The following CCDC91 variants were observed in gnomAD, a reference collection of about 807,000 sequenced individuals.
The protein encoded by CCDC91 is coiled-coil domain containing 91, also known as coiled-coil domain-containing protein 91.
A neutral mutation model predicts 63.2 loss-of-function variants in CCDC91; 48 were observed. The ratio of observed to expected loss-of-function variants is 0.76; its 90% CI spans 0.60 to 0.97. The LOEUF is 0.97. Among genes scored for constraint, CCDC91 ranks in the 50% least tolerant of loss-of-function variants. The pLI, the probability that CCDC91 is intolerant of heterozygous loss-of-function variation, is 0.00. For synonymous variants in CCDC91, 167 were observed against 165.8 expected (o/e 1.01, Z -0.06); for missense variants, 500 against 494.6 (o/e 1.01, Z -0.10).
chr12:28,496,581 G>A (rs1373580870), intron 12 of CCDC91, among the ~76,000 whole-genome samples: 1 of 151,564 alleles, frequency 6.6e-6, no homozygotes, highest in Non-Finnish European at 1.5e-5. Flanking sequence ...GGTTACTGAA[G>A]AAATATTTTT....
intron 1 of CCDC91, among the ~76,000 whole-genome samples, chr12:28,228,812 T>C (rs529184787): frequency 2.0e-5 from 3 of 152,244 alleles, no homozygotes; most frequent in Non-Finnish European, 4.4e-5. Flanking sequence ...CTCTTTAACT[T>C]TGATTGTCTC....
chr12:28,354,497 C>A (rs1046301339), intron 6 of CCDC91, among the ~76,000 whole-genome samples: 6 of 152,068 alleles, frequency 3.9e-5, no homozygotes, highest in African/African-American at 1.4e-4. Context: ...AGGACTTGGA[C>A]AAACCTTTTA....
At chr12:28,335,338 T>A (rs1386257247) in intron 6 of CCDC91, among the ~76,000 whole-genome samples, 1 of 140,950 alleles carries the variant, frequency 7.1e-6, no homozygotes, top group African/African-American at 2.6e-5. Context: ...ATATTATAAA[T>A]ATTTATATAT....
intron 12 of CCDC91, among the ~76,000 whole-genome samples, chr12:28,517,735 C>A (rs139133351): frequency 0.016 from 2,426 of 151,940 alleles, 26 homozygotes; most frequent in South Asian, 0.028. Context: ...GCACCCATCA[C>A]CCAAGCAGTA....
intron 8 of CCDC91, among the ~76,000 whole-genome samples, chr12:28,394,249 A>G (rs560595772): frequency 5.3e-5 from 8 of 152,212 alleles, no homozygotes; most frequent in South Asian, 2.1e-4. Context: ...GGCCGATCAC[A>G]AGGTCAGAAG....
intron 11 of CCDC91, among the ~76,000 whole-genome samples, chr12:28,459,374 TG>T (rs1950201125): frequency 1.3e-5 from 2 of 152,104 alleles, no homozygotes; most frequent in Admixed American, 6.6e-5. Flanking sequence ...ATTAACAAAC[TG>T]CAATAGATTA....
At chr12:28,275,181 G>C (rs1457585963) in intron 3 of CCDC91, among the ~76,000 whole-genome samples, 1 of 152,094 alleles carries the variant, frequency 6.6e-6, no homozygotes, top group African/African-American at 2.4e-5. Flanking sequence ...GAATCCAGGA[G>C]CTGGTTTTTT....
At chr12:28,540,211 A>C (rs7139060) in intron 12 of CCDC91, among the ~76,000 whole-genome samples, 1 of 151,900 alleles carries the variant, frequency 6.6e-6, no homozygotes, top group Non-Finnish European at 1.5e-5. Context: ...TGTTGTTTTC[A>C]TACATAGCCA....
intron 6 of CCDC91, among the ~76,000 whole-genome samples, chr12:28,309,537 T>C (rs923467516): frequency 5.3e-5 from 8 of 152,062 alleles, no homozygotes; most frequent in African/African-American, 1.4e-4. Flanking sequence ...TTCGGTCTTA[T>C]AGGATATTAA....
intron 12 of CCDC91, among the ~76,000 whole-genome samples, chr12:28,502,216 T>C (rs1271884680): frequency 1.3e-5 from 2 of 151,958 alleles, no homozygotes; most frequent in African/African-American, 2.4e-5. Context: ...CTTAAGCTGA[T>C]AAGCAACTTC....
chr12:28,414,796 A>G (rs1947537127), intron 8 of CCDC91, among the ~76,000 whole-genome samples: 1 of 152,198 alleles, frequency 6.6e-6, no homozygotes, highest in African/African-American at 2.4e-5. Context: ...GGCACCTTAA[A>G]CAGAGAAAAG....
intron 12 of CCDC91, among the ~76,000 whole-genome samples, chr12:28,512,816 C>T (rs920842430): frequency 2.0e-5 from 3 of 151,772 alleles, no homozygotes; most frequent in South Asian, 2.1e-4. Flanking sequence ...TTGTATGGTA[C>T]GGAAGGGATT....
rs565717999 is a variant in CCDC91 at position 28,268,766 on chromosome 12, C to G, written c.109+9324C>G. ...GGAGGGAGTAGATTTTACCTAAAAT[C>G]TACTGTGGATGAATAGTGCAATATG... On this transcript the variant is annotated intron_variant, in intron 3 of 12. Coordinates refer to ENST00000536442, the MANE Select transcript of CCDC91 (RefSeq NM_018318.5). 18 of 670,872 alleles carry G rather than the reference C, an allele frequency of 2.7e-5. No homozygotes were observed. The South Asian group carries it at 9.3e-4, about 35-fold the overall frequency. 41.6% of individuals were successfully genotyped at this position (670,872 alleles called of 1,614,324 possible).
At chr12:28,270,963 G>A (rs915479184) in intron 3 of CCDC91, among the ~76,000 whole-genome samples, 2 of 152,124 alleles carry the variant, frequency 1.3e-5, no homozygotes, top group African/African-American at 2.4e-5. Context: ...TTGCAAACTA[G>A]TAAGGTACAC....
chr12:28,314,963 A>T (rs1939692692), intron 6 of CCDC91, among the ~76,000 whole-genome samples: 1 of 151,944 alleles, frequency 6.6e-6, no homozygotes, highest in East Asian at 1.9e-4. Flanking sequence ...TTCAATCCAT[A>T]GGTTAAATAC....
At chr12:28,203,058 G>A (rs1942583892) in intron 1 of CCDC91, among the ~76,000 whole-genome samples, 1 of 152,206 alleles carries the variant, frequency 6.6e-6, no homozygotes, top group Non-Finnish European at 1.5e-5. Flanking sequence ...GGGTTTTGGA[G>A]GAGGTCCAAC....
chr12:28,355,336 G>A (rs930160688), intron 6 of CCDC91, among the ~76,000 whole-genome samples: 1 of 152,108 alleles, frequency 6.6e-6, no homozygotes, highest in Non-Finnish European at 1.5e-5. Flanking sequence ...AATTAACCAG[G>A]ATCTCAGCTG....
chr12:28,339,593 TAGGTATAATAAATAG>T (rs951479187), intron 6 of CCDC91, among the ~76,000 whole-genome samples: 4 of 152,100 alleles, frequency 2.6e-5, no homozygotes, highest in African/African-American at 9.7e-5. Context: ...TACATTTTGT[TAGGTATAATAAATAG>T]AGATGATATA....
intron 8 of CCDC91, among the ~76,000 whole-genome samples, chr12:28,427,912 G>T (rs1055210125): frequency 6.6e-6 from 1 of 152,074 alleles, no homozygotes; most frequent in Admixed American, 6.6e-5. Context: ...CCTTTTCTTA[G>T]ATTAAAAGCT....
Sources: gnomAD v4.1 joint callset for allele counts (sites outside exome capture counted in the v4.1 genomes callset) on GRCh38, gnomAD v4.1.1 for gene constraint, MANE v1.5 for transcripts, NCBI Gene and HGNC (gene_info 2026-07-23, HGNC 2026-07-21) for gene names.